Variants in USH2A observed in about 807,000 individuals in gnomAD.
The protein encoded by USH2A is usherin.
In USH2A, 443 loss-of-function variants were observed where a neutral mutation model predicts 538.9. That is an observed-to-expected ratio of 0.82 (90% CI 0.76 to 0.89). USH2A has a LOEUF of 0.89. USH2A is among the 40% of genes least tolerant of loss of function. The probability of loss-of-function intolerance (pLI) is 0.00; values close to 1 mark genes in which losing one functional copy is unlikely to be tolerated. For missense variants in USH2A, 6,633 were observed against 6,324.8 expected, an observed-to-expected ratio of 1.05 and a Z score of -1.65; for synonymous variants, 2,413 against 2,273.5, an observed-to-expected ratio of 1.06 and a Z score of -1.75.
At chr1:216,052,224 G>A (rs1364804208) in intron 30 of USH2A, among the ~76,000 whole-genome samples, 1 of 152,030 alleles carries the variant, frequency 6.6e-6, no homozygotes, top group East Asian at 1.9e-4. Context: ...GAAAAACCCT[G>A]AGACTCTTAA....
rs986757888 is a variant in USH2A at position 216,209,683 on chromosome 1, C to T, written c.3158-2252G>A. On this transcript the variant is annotated intron_variant, in intron 15 of 71. Transcript: ENST00000307340. ...ACGTTTTTGTCCATGGTTCCTGGCT[C>T]ATAACTTCCATAGCCTTTGCTATTT... Among the ~76,000 whole-genome samples, 117 of 152,188 alleles carry T rather than the reference C, an allele frequency of 7.7e-4. 1 individual carries two copies. The highest frequency in any genetic ancestry group is 1.4e-3 in the Non-Finnish European group (94 of 68,034).
Position 215,919,960 on chromosome 1 carries a change from G to GTC in USH2A, c.7300+14654_7300+14655dup, listed in dbSNP as rs149929900. Among the ~76,000 whole-genome samples the GTC allele has an allele frequency of 2.3e-3, 351 of 151,152 alleles. 2 individuals carry two copies. Among genetic ancestry groups the GTC allele is most frequent in the Middle Eastern group, 0.014 (4 of 294 alleles). On this transcript the variant is annotated intron_variant, in intron 38 of 71. Coordinates refer to ENST00000307340, the MANE Select transcript of USH2A (RefSeq NM_206933.4). ...TATGTTTTATTCAAAGCCTATTTTT[G>GTC]TCTCTCTCTCTCTCTTAACTAAAAC...
chr1:216,323,723 G>GA (rs1201495324), intron 7 of USH2A, 28 bp from the exon 8 acceptor site: 3 of 1,607,338 alleles, frequency 1.9e-6, no homozygotes, highest in Non-Finnish European at 2.6e-6. Flanking sequence ...TCGATGTCAT[G>GA]AAAATCTATT....
In USH2A at chr1:215,728,356, C is replaced by T. The variant is rs1401744202; in HGVS notation, c.11740G>A (p.Val3914Ile). Residue 3914 changes from valine (V) to isoleucine (I), a missense_variant, in exon 61 of 72, where the codon GTT (valine) becomes ATT (isoleucine). Coordinates refer to ENST00000307340, the MANE Select transcript of USH2A (RefSeq NM_206933.4). Reference protein sequence around the residue: ...RRPAGIEEESVLFVWSEGALE... With the variant: ...RRPAGIEEESILFVWSEGALE... ...GCTCCTTCTGACCAGACAAATAAAACAGACTCCTCTTCAATGCCAGCAGGG... is the reference window on the plus strand; with the variant it reads ...GCTCCTTCTGACCAGACAAATAAAATAGACTCCTCTTCAATGCCAGCAGGG... The T allele has an allele frequency of 8.1e-6, 13 of 1,614,074 alleles. No homozygotes were observed. Among genetic ancestry groups the T allele is most frequent in the Non-Finnish European group, 1.0e-5 (12 of 1,180,046 alleles).
chr1:216,152,676 C>T (rs371183849), intron 21 of USH2A, among the ~76,000 whole-genome samples: 16 of 152,258 alleles, frequency 1.1e-4, no homozygotes, highest in African/African-American at 2.6e-4. Flanking sequence ...TCTCTTCACA[C>T]GGACACGCAT....
intron 21 of USH2A, among the ~76,000 whole-genome samples, chr1:216,113,191 T>A (rs2032919207): frequency 6.6e-6 from 1 of 151,150 alleles, no homozygotes; most frequent in African/African-American, 2.4e-5. Flanking sequence ...AGATACTTTA[T>A]GAAATACATA....
At chr1:216,119,015 TG>T (rs1235431417) in intron 21 of USH2A, among the ~76,000 whole-genome samples, 1 of 152,214 alleles carries the variant, frequency 6.6e-6, no homozygotes, top group Non-Finnish European at 1.5e-5. Context: ...AACAAAGGAC[TG>T]GCTACATTCT....
chr1:215,724,076 C>T (rs1217787278), intron 61 of USH2A, among the ~76,000 whole-genome samples: 1 of 6,734 alleles, frequency 1.5e-4, no homozygotes, highest in African/African-American at 1.9e-4. Flanking sequence ...AATGTGATAT[C>T]TATATCTATA....
At chr1:216,033,254 T>C (rs1669170752) in intron 32 of USH2A, among the ~76,000 whole-genome samples, 1 of 152,220 alleles carries the variant, frequency 6.6e-6, no homozygotes, top group Non-Finnish European at 1.5e-5. Flanking sequence ...AAATAAACTT[T>C]TATTGTGTTT....
chr1:216,339,490 G>A (rs2038034804), intron 4 of USH2A, among the ~76,000 whole-genome samples: 1 of 151,598 alleles, frequency 6.6e-6, no homozygotes, highest in Admixed American at 6.6e-5. Context: ...AATGTGGGAG[G>A]AGGTTGTTGA....
rs1571622998 is a variant in USH2A, at chr1:216,251,033, T to G, written c.2037A>C (p.Gly679=). 6.2e-7 allele frequency: 1 copy of G among 1,614,096 alleles called. No homozygotes were observed. Among genetic ancestry groups the G allele is most frequent in the East Asian group, 2.2e-5 (1 of 44,830 alleles). ...SGRQCNQCQN[G]FYNLQELDPD... is the part of the protein sequence containing the mutation. ...GATCCAACTCTTGTAGATTGTAGAA[T>G]CCATTCTGGCACTGATTGCACTGCC... The change falls in exon 12 of 72, where the codon GGA becomes GGC. Residue 679 remains glycine, a synonymous_variant. Transcript: ENST00000307340.
intron 32 of USH2A, among the ~76,000 whole-genome samples, chr1:216,029,752 T>C (rs192751420): frequency 1.6e-4 from 24 of 151,832 alleles, no homozygotes; most frequent in Non-Finnish European, 2.4e-4. Context: ...ATGAATAAGA[T>C]AGGGCACTTA....
intron 61 of USH2A, among the ~76,000 whole-genome samples, chr1:215,684,826 G>C (rs779484812): frequency 1.3e-5 from 2 of 151,990 alleles, no homozygotes; most frequent in Non-Finnish European, 2.9e-5. Flanking sequence ...ACCAAGTCAC[G>C]GGGTTCCCTT....
chr1:215,647,896 A>C, intron 66 of USH2A, among the ~76,000 whole-genome samples, 166 bp from the exon 67 acceptor site: 1 of 152,192 alleles, frequency 6.6e-6, no homozygotes, highest in East Asian at 1.9e-4. Flanking sequence ...ACCTTATGTA[A>C]TGCTATTGGA....
chr1:216,109,775 A>G (rs1241023904), intron 21 of USH2A, among the ~76,000 whole-genome samples: 1 of 152,192 alleles, frequency 6.6e-6, no homozygotes, highest in African/African-American at 2.4e-5. Flanking sequence ...TTTATGTCCA[A>G]CTTTTAAACT....
chr1:215,898,585 C>CA (rs370038200), intron 40 of USH2A, among the ~76,000 whole-genome samples: 5,179 of 146,980 alleles, frequency 0.035, 107 homozygotes, highest in Middle Eastern at 0.088. Context: ...AATGCTGTGC[C>CA]AAAAAAAAAA....
intron 47 of USH2A, among the ~76,000 whole-genome samples, chr1:215,834,101 C>T (rs988338776): frequency 6.6e-6 from 1 of 152,114 alleles, no homozygotes; most frequent in Non-Finnish European, 1.5e-5. Flanking sequence ...AACTTGAACT[C>T]TCATACAATG....
chr1:215,736,748 A>T (rs936545376), intron 60 of USH2A, among the ~76,000 whole-genome samples: 1 of 152,000 alleles, frequency 6.6e-6, no homozygotes, highest in Non-Finnish European at 1.5e-5. Flanking sequence ...GTAAATGAAC[A>T]ATCTTACTTA....
intron 58 of USH2A, among the ~76,000 whole-genome samples, chr1:215,745,912 C>T (rs2102730360): frequency 6.6e-6 from 1 of 152,264 alleles, no homozygotes; most frequent in Middle Eastern, 3.4e-3. Flanking sequence ...AAAATCATTA[C>T]TGATGGAACA....
Sources: gnomAD v4.1 joint callset for allele counts (sites outside exome capture counted in the v4.1 genomes callset) on GRCh38, gnomAD v4.1.1 for gene constraint, MANE v1.5 for transcripts, NCBI Gene and HGNC (gene_info 2026-07-23, HGNC 2026-07-21) for gene names.